The following PARL variants were observed in gnomAD, a reference collection of about 807,000 sequenced individuals.
The protein encoded by PARL is presenilin associated rhomboid like.
PARL carries 44 observed loss-of-function variants against 51.6 expected under a neutral mutation model. The observed-to-expected ratio is 0.85, with a 90% CI of 0.67 to 1.10. PARL has a LOEUF of 1.10. PARL is among the 50% of genes least tolerant of loss of function. PARL has a pLI of 0.00. For missense variants in PARL, 441 were observed against 469.5 expected (o/e 0.94, Z 0.56); for synonymous variants, 172 against 164.0 (o/e 1.05, Z -0.37).
At chr3:183,872,104 C>T (rs934039910) in intron 1 of PARL, among the ~76,000 whole-genome samples, 10 of 151,474 alleles carry the variant, frequency 6.6e-5, no homozygotes, top group African/African-American at 1.7e-4. Context: ...CAGGTACGAG[C>T]GATTCTCCTG....
intron 3 of PARL, among the ~76,000 whole-genome samples, chr3:183,865,421 A>G (rs898996857): frequency 1.2e-4 from 19 of 152,162 alleles, no homozygotes; most frequent in African/African-American, 4.6e-4. Context: ...CCGGCTGCTG[A>G]CCACTAGTGG....
intron 7 of PARL, among the ~76,000 whole-genome samples, chr3:183,837,649 C>T (rs561772341): frequency 1.3e-5 from 2 of 152,304 alleles, no homozygotes; most frequent in South Asian, 2.1e-4. Context: ...CTACACCCAG[C>T]AGTAACGAGT....
chr3:183,829,460 G>C lies in PARL; in HGVS notation c.*138C>G. The C allele has an allele frequency of 6.2e-7, 1 of 1,602,904 alleles. No individual in the cohort carries two copies. Among genetic ancestry groups the C allele is most frequent in the Non-Finnish European group, 8.5e-7 (1 of 1,174,702 alleles). ...CACATTCTAAAAAGACACGGACTGG[G>C]GGACACAGCTGAAAACAGTGGGAGG... On this transcript the variant is annotated 3_prime_UTR_variant, in exon 10 of 10. Transcript: ENST00000317096.
intron 3 of PARL, among the ~76,000 whole-genome samples, chr3:183,864,612 C>T (rs992594449): frequency 3.3e-5 from 5 of 151,618 alleles, no homozygotes; most frequent in African/African-American, 1.2e-4. Flanking sequence ...CCGTCTCTAC[C>T]AAAAATACAA....
chr3:183,871,596 T>C (rs1450713252), intron 1 of PARL, among the ~76,000 whole-genome samples: 5 of 151,890 alleles, frequency 3.3e-5, no homozygotes, highest in Non-Finnish European at 5.9e-5. Context: ...AAAAACACTT[T>C]TGGCAAAAGA....
intron 7 of PARL, among the ~76,000 whole-genome samples, chr3:183,840,080 GC>G (rs1729110580): frequency 6.6e-6 from 1 of 152,138 alleles, no homozygotes; most frequent in South Asian, 2.1e-4. Context: ...GAGGGCAGGA[GC>G]CTTTTTTGTT....
chr3:183,863,942 T>A (rs554078503), intron 3 of PARL, among the ~76,000 whole-genome samples: 1 of 152,370 alleles, frequency 6.6e-6, no homozygotes, highest in Non-Finnish European at 1.5e-5. Flanking sequence ...AGATTATGTA[T>A]ACTGTTTGTA....
At chr3:183,875,532 C>CCAAT (rs1299704658) in intron 1 of PARL, among the ~76,000 whole-genome samples, 2 of 151,988 alleles carry the variant, frequency 1.3e-5, no homozygotes, top group African/African-American at 4.8e-5. Flanking sequence ...TAAGCCACAG[C>CCAAT]CAATCTAGAG....
chr3:183,877,206 C>T (rs1362842933), intron 1 of PARL, among the ~76,000 whole-genome samples: 2 of 152,060 alleles, frequency 1.3e-5, no homozygotes, highest in Non-Finnish European at 2.9e-5. Context: ...AGGAGTGAAA[C>T]TCCATCTCGA....
At chr3:183,839,474 A>G (rs1729034899) in intron 7 of PARL, among the ~76,000 whole-genome samples, 1 of 152,140 alleles carries the variant, frequency 6.6e-6, no homozygotes, top group Admixed American at 6.6e-5. Context: ...GCTGGAGTGC[A>G]GTGGTGCAAT....
At position 183,855,107 on chromosome 3, in the gene PARL, G is replaced by C. The variant is rs148945752; in HGVS notation, c.511+7646C>G. 5.7e-4 allele frequency among the ~76,000 whole-genome samples: 87 copies of C among 152,186 alleles called. No homozygotes were observed. The Middle Eastern group carries it at 0.014, about 24-fold the overall frequency. ...AATCTCCAGAAGAGGAAAGTCCCTA[G>C]AGAAAGCAGGTTGATGGCTGCCTAA... On this transcript the variant is annotated intron_variant, in intron 4 of 9. Coordinates refer to ENST00000317096, the MANE Select transcript of PARL (RefSeq NM_018622.7).
intron 1 of PARL, among the ~76,000 whole-genome samples, chr3:183,884,175 C>G (rs1669375403): frequency 6.6e-6 from 1 of 152,194 alleles, no homozygotes. Context: ...TCGGAAGGTT[C>G]GGCAGTTTTC....
At chr3:183,882,290 C>T (rs1241096172) in intron 1 of PARL, among the ~76,000 whole-genome samples, 70 of 92,112 alleles carry the variant, frequency 7.6e-4, no homozygotes, top group African/African-American at 2.4e-3. Flanking sequence ...TATACACACA[C>T]ACATATATAT....
chr3:183,881,885 C>T (rs1166057864), intron 1 of PARL, among the ~76,000 whole-genome samples: 1 of 152,026 alleles, frequency 6.6e-6, no homozygotes, highest in Non-Finnish European at 1.5e-5. Context: ...ATACGATTGA[C>T]TAATATGTCA....
At chr3:183,839,584 A>G (rs1729048152) in intron 7 of PARL, among the ~76,000 whole-genome samples, 1 of 151,960 alleles carries the variant, frequency 6.6e-6, no homozygotes, top group South Asian at 2.1e-4. Flanking sequence ...ACACCTGGCT[A>G]ATTATTGTAT....
chr3:183,879,748 GC>G (rs1371296191), intron 1 of PARL: 4 of 971,146 alleles, frequency 4.1e-6, no homozygotes, highest in Non-Finnish European at 4.9e-6. Context: ...GGAGGTCCTC[GC>G]TCTGTCACCC....
intron 1 of PARL, among the ~76,000 whole-genome samples, chr3:183,876,467 A>T (rs940443896): frequency 6.6e-6 from 1 of 152,212 alleles, no homozygotes; most frequent in African/African-American, 2.4e-5. Flanking sequence ...ATGCACAGGT[A>T]CAAGAAGATG....
In PARL at chr3:183,862,774, C is replaced by G. The variant is rs1334637635; in HGVS notation, c.490G>C (p.Asp164His). Residue 164 changes from aspartate (D) to histidine (H), a missense_variant, in exon 4 of 10, where the codon GAT becomes CAT. Coordinates refer to ENST00000317096, the MANE Select transcript of PARL (RefSeq NM_018622.7). Reference sequence around the variant, plus strand: ...AAACCTGTCACAGTCCGCTGGCCATCACTTAGGTTATTCCACCACTTGTTA... The same window carrying G: ...AAACCTGTCACAGTCCGCTGGCCATGACTTAGGTTATTCCACCACTTGTTA... ...EINKWWNNLS[D>H]GQRTVTGIIA... 5 of 1,613,578 alleles carry G rather than the reference C, an allele frequency of 3.1e-6. No individual in the cohort carries two copies. Among genetic ancestry groups the G allele is most frequent in the Non-Finnish European group, 4.2e-6 (5 of 1,179,608 alleles).
chr3:183,842,416 T>G lies in PARL; in HGVS notation c.639A>C (p.Thr213=). 6.2e-7 allele frequency: 1 copy of G among 1,613,224 alleles called. No individual in the cohort carries two copies. ...KVLCSPMLLS[T]FSHFSLFHMA... Reference sequence around the variant, plus strand: ...TGTGAAATAAGGAGAAATGACTGAATGTTGACAGCAACATTGGAGAACAAA... The same window carrying G: ...TGTGAAATAAGGAGAAATGACTGAAGGTTGACAGCAACATTGGAGAACAAA... The change falls in exon 6 of 10, where the codon ACA becomes ACC. Residue 213 remains threonine, a synonymous_variant. Coordinates refer to ENST00000317096, the MANE Select transcript of PARL (RefSeq NM_018622.7).
Sources: gnomAD v4.1 joint callset for allele counts (sites outside exome capture counted in the v4.1 genomes callset) on GRCh38, gnomAD v4.1.1 for gene constraint, MANE v1.5 for transcripts, NCBI Gene and HGNC (gene_info 2026-07-23, HGNC 2026-07-21) for gene names.